The following FHIP1B variants were observed in gnomAD, a reference collection of about 807,000 sequenced individuals.
FHIP1B encodes FHF complex subunit HOOK interacting protein 1B, also known as FHF complex subunit HOOK-interacting protein 1B.
Under a neutral mutation model 82.2 loss-of-function variants are expected in FHIP1B, and 28 were observed. The ratio of observed to expected loss-of-function variants is 0.34; its 90% CI spans 0.25 to 0.47. The LOEUF is 0.47. Among genes scored for constraint, FHIP1B ranks in the 20% least tolerant of loss-of-function variants. The probability of loss-of-function intolerance (pLI) is 1.00; values close to 1 mark genes in which losing one functional copy is unlikely to be tolerated. For missense variants in FHIP1B, 1,110 were observed against 1,262.6 expected, an observed-to-expected ratio of 0.88 and a Z score of 1.83; for synonymous variants, 585 against 516.1, an observed-to-expected ratio of 1.13 and a Z score of -1.81.
At chr11:6,234,269 T>A (rs1847782722) in intron 1 of FHIP1B, among the ~76,000 whole-genome samples, 1 of 152,032 alleles carries the variant, frequency 6.6e-6, no homozygotes, top group Non-Finnish European at 1.5e-5. Context: ...TCCCAGGGTA[T>A]CCTTCACACC....
chr11:6,233,792 T>C (rs1322976816), intron 1 of FHIP1B, among the ~76,000 whole-genome samples: 4 of 152,146 alleles, frequency 2.6e-5, no homozygotes, highest in Non-Finnish European at 5.9e-5. Context: ...CAGAAGCAAG[T>C]AGAGAGAAAA....
intron 11 of FHIP1B, among the ~76,000 whole-genome samples, chr11:6,212,718 T>C (rs886095531): frequency 2.6e-5 from 4 of 152,240 alleles, no homozygotes; most frequent in Admixed American, 2.6e-4. Context: ...GCTACAGAAA[T>C]ACCATACCGA....
At chr11:6,231,103 T>C (rs1479321256) in intron 1 of FHIP1B, among the ~76,000 whole-genome samples, 1 of 152,152 alleles carries the variant, frequency 6.6e-6, no homozygotes, top group Non-Finnish European at 1.5e-5. Context: ...CAAAAAATTG[T>C]TTTAAAAAAA....
intron 6 of FHIP1B, among the ~76,000 whole-genome samples, chr11:6,221,518 T>C (rs1847407077): frequency 6.6e-6 from 1 of 152,156 alleles, no homozygotes; most frequent in Non-Finnish European, 1.5e-5. Flanking sequence ...CTTGCCATGG[T>C]CTTCCAGGTC....
chr11:6,213,010 C>T (rs1393417164), intron 11 of FHIP1B, among the ~76,000 whole-genome samples: 1 of 151,290 alleles, frequency 6.6e-6, no homozygotes, highest in Non-Finnish European at 1.5e-5. Context: ...ACTCAACATA[C>T]TTAATTTATT....
rs1038060952 is a variant in FHIP1B at position 6,223,370 on chromosome 11, A to C, written c.778-132T>G. 185 of 1,085,770 alleles carry C rather than the reference A, an allele frequency of 1.7e-4. No individual in the cohort carries two copies. In the African/African-American group the frequency reaches 2.4e-3, roughly 14 times the overall value. The allele number at this position is 1,085,770 out of a possible 1,614,324, so 67.3% of individuals were successfully genotyped here. A position where few individuals can be genotyped will look rare whatever the true frequency, so the allele number is the denominator to read the frequency against. On this transcript the variant is annotated intron_variant, in intron 3 of 11. Transcript: ENST00000449352. This position sits in a 1 kb window ranked among gnomAD's most constrained non-coding sequence, Gnocchi z 4.8. ...CTATTACCAAAGCAAGCATTTGCCTACCCAATGTGCCTGAAACTCACCTAG... is the reference window on the plus strand; with the variant it reads ...CTATTACCAAAGCAAGCATTTGCCTCCCCAATGTGCCTGAAACTCACCTAG...
rs1456174236 is a variant in FHIP1B at position 6,223,821 on chromosome 11, T to C, written c.566A>G (p.Gln189Arg). 2.5e-5 allele frequency: 41 copies of C among 1,614,080 alleles called. No homozygotes were observed. The East Asian group carries it at 9.1e-4, about 36-fold the overall frequency. Reference protein sequence around the residue: ...LLSQLCVCVAQEPSLLEFFLQ... With the variant: ...LLSQLCVCVAREPSLLEFFLQ... ...GAAGAACTCGAGCAATGAAGGCTCC[T>C]GGGCCACACAAACACACAGCTGGCT... The change falls in exon 3 of 12, where the codon CAG becomes CGG. Residue 189 changes from glutamine (Q) to arginine (R), a missense_variant. Gln to Arg is a conservative substitution (Grantham distance 43). This residue lies in a region of FHIP1B where 467 missense variants were observed against 602.9 expected (regional missense o/e 0.77). Transcript: ENST00000449352. This position sits in a 1 kb window ranked among gnomAD's most constrained non-coding sequence, Gnocchi z 4.8.
At chr11:6,233,675 A>T (rs1847761545) in intron 1 of FHIP1B, among the ~76,000 whole-genome samples, 1 of 152,240 alleles carries the variant, frequency 6.6e-6, no homozygotes, top group African/African-American at 2.4e-5. Flanking sequence ...TGTATAGGGC[A>T]AACCATATGA....
chr11:6,213,426 C>G (rs1194176702), intron 11 of FHIP1B, among the ~76,000 whole-genome samples: 1 of 152,204 alleles, frequency 6.6e-6, no homozygotes, highest in Non-Finnish European at 1.5e-5. Flanking sequence ...AAGCCTTTTC[C>G]TGTCCAAAGT....
At position 6,211,648 on chromosome 11, in the gene FHIP1B, T is replaced by C. The variant is rs1474599001; in HGVS notation, c.2777A>G (p.Tyr926Cys). Reference protein sequence around the residue: ...GEALRVKNAVYCAVIFPEFLK... With the variant: ...GEALRVKNAVCCAVIFPEFLK... ...AAATTCAGGGAAAATGACTGCACAG[T>C]AGACAGCATTCTTGACTCGAAGAGC... Residue 926 changes from tyrosine (Y) to cysteine (C), a missense_variant, in exon 12 of 12, where the codon TAC becomes TGC. By Grantham distance (194) the Tyr-to-Cys change is radical. Transcript: ENST00000449352. 1.9e-6 allele frequency: 3 copies of C among 1,614,108 alleles called. No homozygotes were observed. The highest frequency in any genetic ancestry group is 1.7e-5 in the Admixed American group (1 of 60,004).
chr11:6,225,419 A>G (rs377044254), intron 1 of FHIP1B, among the ~76,000 whole-genome samples: 21 of 152,280 alleles, frequency 1.4e-4, no homozygotes, highest in African/African-American at 5.1e-4. Context: ...TAACAATTCT[A>G]TCTAAATAGC....
chr11:6,223,055 C>A lies in FHIP1B; in HGVS notation c.936+25G>T. 6.4e-7 allele frequency: 1 copy of A among 1,572,628 alleles called. No individual in the cohort carries two copies. Among genetic ancestry groups the A allele is most frequent in the Admixed American group, 1.9e-5 (1 of 52,138 alleles). On this transcript the variant is annotated intron_variant, in intron 4 of 11. Coordinates refer to ENST00000449352, the MANE Select transcript of FHIP1B (RefSeq NM_001098794.2). This position sits in a 1 kb window ranked among gnomAD's most constrained non-coding sequence, Gnocchi z 4.8. ...CTCCTACCTAATCTCCCAAAAATGACCAAGGGCCAGACTTTCAGTCCTACC... is the reference window on the plus strand; with the variant it reads ...CTCCTACCTAATCTCCCAAAAATGAACAAGGGCCAGACTTTCAGTCCTACC...
In FHIP1B at chr11:6,223,924, G is replaced by A. The variant is rs1233429146; in HGVS notation, c.463C>T (p.Leu155=). ...LLRHGPVREA[L]LTLLDACGRP... is the part of the protein sequence containing the mutation. ...CCACAGGCATCCAGCAGGGTGAGCA[G>A]AGCCTCACGAACTGGACCATGCCGC... The change falls in exon 3 of 12, where the codon CTG becomes TTG. Residue 155 remains leucine, a synonymous_variant. Transcript: ENST00000449352. This position sits in a 1 kb window ranked among gnomAD's most constrained non-coding sequence, Gnocchi z 4.8. The A allele has an allele frequency of 1.4e-5, 22 of 1,614,094 alleles. No homozygotes were observed. The highest frequency in any genetic ancestry group is 2.2e-5 in the South Asian group (2 of 91,094).
rs900579240 is a variant in FHIP1B at position 6,219,129 on chromosome 11, C to T, written c.1192-79G>A. On this transcript the variant is annotated intron_variant, in intron 6 of 11. Transcript: ENST00000449352. ...AGCCATTCACCAAACGGGAACCCCA[C>T]CAGCCCCAAGTTGGCCCAACCAACC... The T allele has an allele frequency of 3.3e-6, 4 of 1,215,200 alleles. No homozygotes were observed. The Admixed American group carries it at 7.9e-5, about 24-fold the overall frequency. The allele number at this position is 1,215,200 out of a possible 1,614,324, so 75.3% of individuals were successfully genotyped here.
chr11:6,222,732 C>T (rs1847447310), intron 5 of FHIP1B, 79 bp downstream of exon 5: 1 of 1,552,256 alleles, frequency 6.4e-7, no homozygotes, highest in Non-Finnish European at 8.9e-7. Flanking sequence ...CTCTACCCAC[C>T]GCCTCCTACG....
intron 11 of FHIP1B, among the ~76,000 whole-genome samples, chr11:6,212,865 C>T (rs1847111480): frequency 6.6e-6 from 1 of 152,184 alleles, no homozygotes; most frequent in Non-Finnish European, 1.5e-5. Context: ...ACTTTTCATG[C>T]GCCTGTAGCT....
Position 6,218,689 on chromosome 11 carries a change from G to A in FHIP1B, c.1346C>T (p.Ala449Val), listed in dbSNP as rs1336559896. 6.2e-7 allele frequency: 1 copy of A among 1,614,166 alleles called. No homozygotes were observed. Among genetic ancestry groups the A allele is most frequent in the Non-Finnish European group, 8.5e-7 (1 of 1,180,034 alleles). The change falls in exon 8 of 12, where the codon GCA becomes GTA. Residue 449 changes from alanine (A) to valine (V), a missense_variant. Around this residue, in one of 6 missense-constraint regions of FHIP1B, gnomAD observed 467 missense variants for 602.9 expected, o/e 0.77. Transcript: ENST00000449352. ...GATTAGGGAGAGAAACTTGTCAGCT[G>A]CTCGTCCATATAGGTCCACATCACG... ...AVRDVDLYGR[A>V]ADKFLSLIPR...
intron 6 of FHIP1B, among the ~76,000 whole-genome samples, chr11:6,220,761 TAGTG>T (rs1292844314): frequency 9.9e-5 from 15 of 152,012 alleles, no homozygotes; most frequent in Admixed American, 7.9e-4. Flanking sequence ...AAATGAAAGA[TAGTG>T]AGTAAGAATC....
At chr11:6,217,286 GCCAAGAGGT>G in intron 9 of FHIP1B, 76 bp downstream of exon 9, 1 of 1,269,254 alleles carries the variant, frequency 7.9e-7, no homozygotes, top group Non-Finnish European at 1.1e-6. Flanking sequence ...AAATGACATG[GCCAAGAGGT>G]CCAAGAAACC....
Sources: allele counts gnomAD v4.1 joint callset (sites outside exome capture counted in the v4.1 genomes callset), GRCh38; gene constraint gnomAD v4.1.1; regional missense constraint gnomAD v4.1.1; non-coding constraint Gnocchi (gnomAD v3.1); transcripts MANE v1.5; gene names NCBI Gene and HGNC (gene_info 2026-07-23, HGNC 2026-07-21).